The following MAGI1 variants were observed in gnomAD, a reference collection of about 807,000 sequenced individuals.
MAGI1 encodes membrane associated guanylate kinase, WW and PDZ domain containing 1.
MAGI1 carries 58 observed loss-of-function variants against 139.9 expected under a neutral mutation model. That is an observed-to-expected ratio of 0.41 (90% confidence interval 0.34 to 0.52). The LOEUF is 0.52. MAGI1 is among the 20% of genes least tolerant of loss of function. MAGI1 has a pLI of 0.12. For missense variants in MAGI1, 1,874 were observed against 1,901.6 expected (o/e 0.99, Z 0.27); for synonymous variants, 812 against 737.9 (o/e 1.10, Z -1.63).
intron 1 of MAGI1, among the ~76,000 whole-genome samples, chr3:65,748,299 T>C (rs1323109578): frequency 2.6e-5 from 4 of 152,186 alleles, no homozygotes; most frequent in African/African-American, 9.7e-5. Context: ...GCAGGCCCCA[T>C]GCCCACTTTC....
intron 17 of MAGI1, 147 bp downstream of exon 17, chr3:65,379,114 C>G: frequency 1.3e-6 from 2 of 1,501,130 alleles, no homozygotes; most frequent in Non-Finnish European, 9.0e-7. Flanking sequence ...CAAATCAACT[C>G]CATCTCCAAT....
chr3:65,526,130 T>C (rs1576185753), intron 2 of MAGI1, among the ~76,000 whole-genome samples: 1 of 152,194 alleles, frequency 6.6e-6, no homozygotes, highest in African/African-American at 2.4e-5. Flanking sequence ...GTGAGAAATA[T>C]TTATTGTGCT....
chr3:65,646,321 T>C (rs1238157282), intron 1 of MAGI1, among the ~76,000 whole-genome samples: 2 of 151,848 alleles, frequency 1.3e-5, no homozygotes, highest in Non-Finnish European at 2.9e-5. Context: ...TATGTAATGA[T>C]AAAGGGGTCA....
At chr3:65,891,558 A>AC (rs979543107) in intron 1 of MAGI1, among the ~76,000 whole-genome samples, 1 of 152,044 alleles carries the variant, frequency 6.6e-6, no homozygotes, top group Non-Finnish European at 1.5e-5. Context: ...ATTATACATT[A>AC]CCAAGGTTAC....
intron 1 of MAGI1, among the ~76,000 whole-genome samples, chr3:65,658,599 T>A (rs1415043040): frequency 6.6e-6 from 1 of 152,196 alleles, no homozygotes; most frequent in Non-Finnish European, 1.5e-5. Context: ...AGGACTGGGA[T>A]GAGTCCTTAC....
chr3:65,357,820 T>C (rs1940348937), intron 22 of MAGI1, among the ~76,000 whole-genome samples: 1 of 152,120 alleles, frequency 6.6e-6, no homozygotes, highest in Admixed American at 6.5e-5. Flanking sequence ...GCTGGCCAGA[T>C]GTTGACGACT....
At chr3:65,619,931 GC>G (rs1187408089) in intron 2 of MAGI1, 1 of 985,186 alleles carries the variant, frequency 1.0e-6, no homozygotes, top group Admixed American at 6.1e-5. Context: ...AAACATCAAT[GC>G]CAAGGGGCTT....
chr3:65,679,717 G>A (rs1041855295), intron 1 of MAGI1, among the ~76,000 whole-genome samples: 4 of 152,150 alleles, frequency 2.6e-5, no homozygotes, highest in Admixed American at 1.3e-4. Context: ...ACTCTTGGTC[G>A]GCGGTTTTCA....
intron 1 of MAGI1, among the ~76,000 whole-genome samples, chr3:65,851,013 A>C (rs1032016853): frequency 1.3e-5 from 2 of 152,116 alleles, no homozygotes; most frequent in African/African-American, 2.4e-5. Flanking sequence ...AGGCTGAAGC[A>C]GGAGAATTGC....
intron 2 of MAGI1, among the ~76,000 whole-genome samples, chr3:65,507,576 C>T (rs9831639): frequency 0.96 from 146,898 of 152,298 alleles, 71,055 homozygotes; most frequent in East Asian, 1. Flanking sequence ...AACTAAACTA[C>T]AGCTTTGATT....
At chr3:65,835,052 G>A (rs956937955) in intron 1 of MAGI1, among the ~76,000 whole-genome samples, 11 of 152,086 alleles carry the variant, frequency 7.2e-5, no homozygotes, top group African/African-American at 1.7e-4. Flanking sequence ...CTTGTCTTTC[G>A]ACTGATGTTC....
intron 1 of MAGI1, among the ~76,000 whole-genome samples, chr3:65,867,567 T>C (rs1029181904): frequency 1.1e-3 from 169 of 152,228 alleles, no homozygotes; most frequent in African/African-American, 3.6e-3. Flanking sequence ...AGACCCTGAT[T>C]CTACCAAATA....
chr3:65,381,499 A>G (rs1344252095), intron 16 of MAGI1, among the ~76,000 whole-genome samples: 1 of 152,150 alleles, frequency 6.6e-6, no homozygotes, highest in African/African-American at 2.4e-5. Flanking sequence ...TTGTAGCACA[A>G]ACCCGATTTT....
intron 1 of MAGI1, among the ~76,000 whole-genome samples, chr3:65,763,446 T>C (rs981211038): frequency 2.6e-5 from 4 of 152,118 alleles, no homozygotes; most frequent in East Asian, 1.9e-4. Flanking sequence ...TGAAAAAAAC[T>C]AGGAAGGTGA....
chr3:65,930,264 C>G (rs1204146005), intron 1 of MAGI1, among the ~76,000 whole-genome samples: 1 of 137,508 alleles, frequency 7.3e-6, no homozygotes, highest in Non-Finnish European at 1.5e-5. Flanking sequence ...TGCAGTGAGC[C>G]GAGATAGCGC....
chr3:65,793,220 C>T (rs951277899), intron 1 of MAGI1, among the ~76,000 whole-genome samples: 2 of 152,146 alleles, frequency 1.3e-5, no homozygotes, highest in African/African-American at 4.8e-5. Flanking sequence ...ACCATGCTGG[C>T]GCTCTCAGGG....
At chr3:65,978,198 G>A (rs2065362349) in intron 1 of MAGI1, among the ~76,000 whole-genome samples, 1 of 152,158 alleles carries the variant, frequency 6.6e-6, no homozygotes, top group Non-Finnish European at 1.5e-5. Flanking sequence ...TTTCTCACAA[G>A]CCTATAAGGC....
chr3:65,648,534 C>A (rs1365486599), intron 1 of MAGI1, among the ~76,000 whole-genome samples: 1 of 152,132 alleles, frequency 6.6e-6, no homozygotes, highest in Non-Finnish European at 1.5e-5. Flanking sequence ...TACTTGTTTA[C>A]TGAAAACTAG....
intron 2 of MAGI1, among the ~76,000 whole-genome samples, chr3:65,607,107 A>T (rs1423548780): frequency 6.6e-6 from 1 of 151,786 alleles, no homozygotes; most frequent in East Asian, 1.9e-4. Context: ...ATATATGTAC[A>T]TGTTAAATAA....
Sources: allele counts gnomAD v4.1 joint callset (sites outside exome capture counted in the v4.1 genomes callset), GRCh38; gene constraint gnomAD v4.1.1; transcripts MANE v1.5; gene names NCBI Gene and HGNC (gene_info 2026-07-23, HGNC 2026-07-21).